The following LSM6 variants were observed in gnomAD, a reference collection of about 807,000 sequenced individuals.
LSM6 encodes the protein U6 snRNA-associated Sm-like protein LSm6.
In LSM6, 2 loss-of-function variants were observed where a neutral mutation model predicts 13.5. That is an observed-to-expected ratio of 0.15 (90% CI 0.06 to 0.47). LSM6 has a LOEUF of 0.47. Among genes scored for constraint, LSM6 ranks in the 20% least tolerant of loss-of-function variants. The pLI, the probability that LSM6 is intolerant of heterozygous loss-of-function variation, is 0.97. For synonymous variants in LSM6, 43 were observed against 34.9 expected (o/e 1.23, Z -0.82); for missense variants, 58 against 96.4 (o/e 0.60, Z 1.67).
chr4:146,187,359 T>C lies in LSM6; in HGVS notation c.180T>C (p.Tyr60=). 6.2e-7 allele frequency: 1 copy of C among 1,611,348 alleles called. No individual in the cohort carries two copies. Among genetic ancestry groups the C allele is most frequent in the Non-Finnish European group, 8.5e-7 (1 of 1,177,500 alleles). Residue 60 remains tyrosine, a synonymous_variant, in exon 3 of 4, where the codon TAT becomes TAC. Transcript: ENST00000296581. ...TAAATGGACAACTGAAGAATAAGTA[T>C]GGGGATGCATTTATCCGAGGAAACA... ...EYVNGQLKNK[Y]GDAFIRGNNV... is the part of the protein sequence containing the mutation.
chr4:146,185,508 CAAAAAAAA>C (rs542139047), intron 2 of LSM6, among the ~76,000 whole-genome samples: 1 of 98,498 alleles, frequency 1.0e-5, no homozygotes, highest in African/African-American at 3.4e-5. Flanking sequence ...AACAACATAC[CAAAAAAAA>C]AAAAAAAAGA....
intron 2 of LSM6, among the ~76,000 whole-genome samples, 165 bp from the exon 3 acceptor site, chr4:146,187,108 AG>A (rs1730366770): frequency 2.0e-5 from 3 of 152,216 alleles, no homozygotes; most frequent in African/African-American, 7.2e-5. Context: ...AGATTGGCAT[AG>A]AGTTGTTTTG....
intron 3 of LSM6, 65 bp from the exon 4 acceptor site, chr4:146,189,557 T>TG: frequency 9.9e-7 from 1 of 1,014,260 alleles, no homozygotes; most frequent in Non-Finnish European, 1.5e-6. Flanking sequence ...CTTTTAAACT[T>TG]GCTACTATGT....
At chr4:146,176,342 A>T (rs1292141125) in intron 1 of LSM6, 1 of 152,246 alleles carries the variant, frequency 6.6e-6, no homozygotes, top group Non-Finnish European at 1.5e-5. Context: ...CCAAGTTGTC[A>T]GGTCGAGGAA....
chr4:146,188,908 C>T (rs1432699573), intron 3 of LSM6, among the ~76,000 whole-genome samples: 3 of 151,560 alleles, frequency 2.0e-5, no homozygotes, highest in Non-Finnish European at 4.4e-5. Context: ...ATTGGGGAGA[C>T]AGATGAAAAT....
At chr4:146,187,435 A>G in intron 3 of LSM6, 48 bp downstream of exon 3, 6 of 1,193,154 alleles carry the variant, frequency 5.0e-6, no homozygotes, top group African/African-American at 1.5e-5. Flanking sequence ...AAGCCTTTCT[A>G]TTTATAATCC....
At chr4:146,187,073 G>A (rs936382711) in intron 2 of LSM6, among the ~76,000 whole-genome samples, 1 of 152,170 alleles carries the variant, frequency 6.6e-6, no homozygotes, top group Non-Finnish European at 1.5e-5. Context: ...TAGTGGGTGC[G>A]TGACTGCCTT....
rs1297300136 is a variant in LSM6 at position 146,180,101 on chromosome 4, T to TG, written c.-10-2810dup. Among the ~76,000 whole-genome samples, 7 of 152,338 alleles carry TG rather than the reference T, an allele frequency of 4.6e-5. No homozygotes were observed. In the East Asian group the frequency reaches 1.3e-3, roughly 29 times the overall value. ...GACTTCTCTTCTTTCAGCTAGGGGGTGACGCCTTTTCCTTCAAATTCAGCT... is the reference window on the plus strand; with the variant it reads ...GACTTCTCTTCTTTCAGCTAGGGGGTGGACGCCTTTTCCTTCAAATTCAGCT... On this transcript the variant is annotated intron_variant, in intron 1 of 3. Transcript: ENST00000296581.
intron 1 of LSM6, among the ~76,000 whole-genome samples, chr4:146,177,980 T>A (rs911133397): frequency 4.6e-5 from 7 of 152,242 alleles, no homozygotes; most frequent in Non-Finnish European, 4.4e-5. Context: ...AAAATCTGCA[T>A]TTTAACAAGC....
At chr4:146,185,354 A>G (rs1730321891) in intron 2 of LSM6, among the ~76,000 whole-genome samples, 1 of 152,262 alleles carries the variant, frequency 6.6e-6, no homozygotes, top group South Asian at 2.1e-4. Flanking sequence ...AGTCTTTCAC[A>G]TGGATAGTAA....
In LSM6 at chr4:146,187,383, C is replaced by T. The variant is rs1730372045; in HGVS notation, c.204C>T (p.Asn68=). 3 of 1,580,770 alleles carry T rather than the reference C, an allele frequency of 1.9e-6. No individual in the cohort carries two copies. The South Asian group carries it at 3.3e-5, about 17-fold the overall frequency. The change falls in exon 3 of 4, where the codon AAC becomes AAT. Residue 68 remains asparagine (N), a synonymous_variant. Transcript: ENST00000296581. Reference sequence around the variant, plus strand: ...ATGGGGATGCATTTATCCGAGGAAACAATGGTAACATTTCTTCGCCCTACA... The same window carrying T: ...ATGGGGATGCATTTATCCGAGGAAATAATGGTAACATTTCTTCGCCCTACA... ...NKYGDAFIRG[N]NVLYISTQKR...
At chr4:146,183,038 TC>T in intron 2 of LSM6, 23 bp downstream of exon 2, 1 of 1,475,552 alleles carries the variant, frequency 6.8e-7, no homozygotes, top group South Asian at 1.1e-5. Context: ...TGTTTCAACC[TC>T]ACTGGTATAA....
At position 146,178,665 on chromosome 4, in the gene LSM6, G is replaced by A. The variant is rs907952998; in HGVS notation, c.-11+2854G>A. Among the ~76,000 whole-genome samples, 8 of 152,346 alleles carry A rather than the reference G, an allele frequency of 5.3e-5. No individual in the cohort carries two copies. The East Asian group carries it at 9.6e-4, about 18-fold the overall frequency. The stretch of plus-strand genomic sequence containing the variant: ...ATTGCCAAGAAATAAGGATTTTCAT[G>A]TCTTCTGCTCAGTGGCATAACTCAA... On this transcript the variant is annotated intron_variant, in intron 1 of 3. Transcript: ENST00000296581.
At chr4:146,177,524 C>T (rs969405277) in intron 1 of LSM6, among the ~76,000 whole-genome samples, 36 of 152,176 alleles carry the variant, frequency 2.4e-4, no homozygotes, top group African/African-American at 8.2e-4. Flanking sequence ...TTAATTATAA[C>T]CTACACTCCA....
At chr4:146,185,260 T>C (rs1393113735) in intron 2 of LSM6, among the ~76,000 whole-genome samples, 1 of 152,144 alleles carries the variant, frequency 6.6e-6, no homozygotes, top group Non-Finnish European at 1.5e-5. Context: ...TTGTATTAGC[T>C]TTTTTTCATC....
At chr4:146,175,842 G>A (rs3733460) in intron 1 of LSM6, 31 bp downstream of exon 1, 44,624 of 152,342 alleles carry the variant, frequency 0.29, 6,913 homozygotes, top group Middle Eastern at 0.37. Context: ...GGCCGACGAC[G>A]GGGCCGGGCG....
At chr4:146,188,415 G>T (rs1385590737) in intron 3 of LSM6, among the ~76,000 whole-genome samples, 1 of 151,620 alleles carries the variant, frequency 6.6e-6, no homozygotes, top group Non-Finnish European at 1.5e-5. Flanking sequence ...GGGCAGGGTT[G>T]GGGGGCGGCT....
At chr4:146,176,673 A>G (rs1406022040) in intron 1 of LSM6, 4 of 151,972 alleles carry the variant, frequency 2.6e-5, no homozygotes, top group Admixed American at 6.5e-5. Context: ...CTTCCTAAAT[A>G]TTATTCTAAT....
At chr4:146,187,214 C>T in intron 2 of LSM6, 60 bp from the exon 3 acceptor site, 4 of 865,152 alleles carry the variant, frequency 4.6e-6, no homozygotes, top group Non-Finnish European at 7.8e-6. Context: ...AAGGTATACC[C>T]TGTAATTTTC....
Sources: gnomAD v4.1 joint callset for allele counts (sites outside exome capture counted in the v4.1 genomes callset) on GRCh38, gnomAD v4.1.1 for gene constraint, MANE v1.5 for transcripts, NCBI Gene and HGNC (gene_info 2026-07-23, HGNC 2026-07-21) for gene names.